The following R3HDM1 variants were observed in gnomAD, a reference collection of about 807,000 sequenced individuals.
R3HDM1 encodes the protein R3H domain containing 1, also known as R3H domain-containing protein 1.
In R3HDM1, 46 loss-of-function variants were observed where a neutral mutation model predicts 141.1. The observed-to-expected ratio is 0.33, with a 90% CI of 0.26 to 0.42. The LOEUF (loss-of-function observed/expected upper bound fraction) is 0.42, where lower values mean the gene tolerates loss of function less well. Among genes scored for constraint, R3HDM1 ranks in the 10% least tolerant of loss-of-function variants. The pLI, the probability that R3HDM1 is intolerant of heterozygous loss-of-function variation, is 1.00. For missense variants in R3HDM1, 1,184 were observed against 1,368.3 expected, an observed-to-expected ratio of 0.87 and a Z score of 2.12; for synonymous variants, 435 against 472.9, an observed-to-expected ratio of 0.92 and a Z score of 1.04.
At chr2:135,612,377 AAG>A (rs2060627350) in intron 3 of R3HDM1, among the ~76,000 whole-genome samples, 2 of 152,220 alleles carry the variant, frequency 1.3e-5, no homozygotes, top group African/African-American at 2.4e-5. Flanking sequence ...ATTAATTACA[AAG>A]AGAAAATTAT....
intron 20 of R3HDM1, among the ~76,000 whole-genome samples, chr2:135,678,700 AT>A (rs958159420): frequency 8.2e-4 from 124 of 150,828 alleles, no homozygotes; most frequent in African/African-American, 2.8e-3. Flanking sequence ...CCTCCCTATC[AT>A]TACTATTATT....
At chr2:135,600,064 G>C (rs1320353342) in intron 1 of R3HDM1, among the ~76,000 whole-genome samples, 1 of 145,108 alleles carries the variant, frequency 6.9e-6, no homozygotes, top group African/African-American at 2.5e-5. Flanking sequence ...AATTAAACTA[G>C]TGCATTAATA....
At chr2:135,557,180 C>G (rs1700937558) in intron 1 of R3HDM1, among the ~76,000 whole-genome samples, 1 of 152,106 alleles carries the variant, frequency 6.6e-6, no homozygotes, top group Admixed American at 6.6e-5. Context: ...GTTCTACTTA[C>G]TCTACGGTGG....
At chr2:135,563,415 T>A (rs184571445) in intron 1 of R3HDM1, among the ~76,000 whole-genome samples, 2 of 152,372 alleles carry the variant, frequency 1.3e-5, no homozygotes, top group East Asian at 3.9e-4. Context: ...AGGTCCAGAT[T>A]TGATCCACTG....
At position 135,715,655 on chromosome 2, in the gene R3HDM1, A is replaced by G. The variant is rs1281158573; in HGVS notation, c.2842A>G (p.Ile948Val). Residue 948 changes from isoleucine to valine, a missense_variant, in exon 24 of 27, where the codon ATC (isoleucine) becomes GTC (valine). Ile to Val is a conservative substitution (Grantham distance 29, BLOSUM62 3). This residue lies in a region of R3HDM1 where 182 missense variants were observed against 252.6 expected (regional missense o/e 0.72). Transcript: ENST00000683871. ...TVRPSGPPLSIMPQFSRPFVP... is the reference protein window; with the variant it reads ...TVRPSGPPLSVMPQFSRPFVP... ...ACGTCCCTCTGGACCACCACTTTCC[A>G]TCATGCCCCAATTTTCTAGACCTTT... The G allele has an allele frequency of 6.2e-7, 1 of 1,613,792 alleles. No individual in the cohort carries two copies. The highest frequency in any genetic ancestry group is 1.7e-5 in the Admixed American group (1 of 59,986).
chr2:135,580,619 C>T (rs1028903525), intron 1 of R3HDM1, among the ~76,000 whole-genome samples: 4 of 152,184 alleles, frequency 2.6e-5, no homozygotes, highest in African/African-American at 9.7e-5. Context: ...TAATTGTCTT[C>T]ATTATCTCCC....
In R3HDM1 at chr2:135,641,627, T is replaced by C. The variant is rs1220613794; in HGVS notation, c.1311T>C (p.Ser437=). Residue 437 remains serine, a synonymous_variant, in exon 15 of 27, where the codon TCT becomes TCC. Transcript: ENST00000683871. ...PLPGTALSQS[S]HGAPVVYPTV... Reference sequence around the variant, plus strand: ...CAGGTACAGCTCTCAGCCAGTCTTCTCATGGCGCACCTGTCGTCTATCCAA... The same window carrying C: ...CAGGTACAGCTCTCAGCCAGTCTTCCCATGGCGCACCTGTCGTCTATCCAA... The C allele has an allele frequency of 6.2e-7, 1 of 1,614,222 alleles. No individual in the cohort carries two copies. Among genetic ancestry groups the C allele is most frequent in the Admixed American group, 1.7e-5 (1 of 60,022 alleles).
chr2:135,679,066 C>CTT (rs141175748), intron 20 of R3HDM1, among the ~76,000 whole-genome samples: 2 of 70,576 alleles, frequency 2.8e-5, no homozygotes, highest in African/African-American at 1.1e-4. Flanking sequence ...GCCCGGCTTT[C>CTT]TTTTTTTTTT....
chr2:135,539,295 T>C (rs189177486), intron 1 of R3HDM1, among the ~76,000 whole-genome samples: 8 of 152,310 alleles, frequency 5.3e-5, no homozygotes, highest in East Asian at 3.9e-4. Flanking sequence ...GCTGTACATA[T>C]GTATGTGCTA....
At chr2:135,704,948 A>G (rs2074713932) in intron 21 of R3HDM1, among the ~76,000 whole-genome samples, 1 of 152,152 alleles carries the variant, frequency 6.6e-6, no homozygotes, top group Non-Finnish European at 1.5e-5. Flanking sequence ...TACTTTATTG[A>G]ACCATCTTGT....
At chr2:135,680,080 G>T (rs558815223) in intron 20 of R3HDM1, 93 bp from the exon 21 acceptor site, 2 of 1,319,170 alleles carry the variant, frequency 1.5e-6, no homozygotes, top group East Asian at 2.3e-5. Context: ...AATTCATCTC[G>T]AAAAAAATAA....
chr2:135,621,722 A>C (rs1559266752), intron 6 of R3HDM1, 114 bp downstream of exon 6: 1 of 1,335,550 alleles, frequency 7.5e-7, no homozygotes. Flanking sequence ...CACAGAACAG[A>C]CTGGAAGGAT....
intron 1 of R3HDM1, among the ~76,000 whole-genome samples, chr2:135,531,912 T>C (rs1451253180): frequency 6.6e-6 from 1 of 152,092 alleles, no homozygotes; most frequent in Non-Finnish European, 1.5e-5. Context: ...CACTGCCTTG[T>C]GCCCACCGCC....
chr2:135,596,716 C>G (rs1194365773), intron 1 of R3HDM1, among the ~76,000 whole-genome samples: 2 of 152,226 alleles, frequency 1.3e-5, no homozygotes, highest in African/African-American at 2.4e-5. Flanking sequence ...AGTTTTAGTT[C>G]ATTTCATTTT....
chr2:135,612,394 A>G (rs1051143974), intron 3 of R3HDM1, among the ~76,000 whole-genome samples: 8 of 152,108 alleles, frequency 5.3e-5, no homozygotes, highest in African/African-American at 1.9e-4. Flanking sequence ...AATTATTCCT[A>G]TTTTTTAAAT....
At chr2:135,688,601 G>A (rs2071778389) in intron 21 of R3HDM1, among the ~76,000 whole-genome samples, 1 of 152,084 alleles carries the variant, frequency 6.6e-6, no homozygotes, top group Admixed American at 6.5e-5. Context: ...CCAGGGTCAG[G>A]AAAATGGTAA....
chr2:135,678,711 T>C (rs1197326594), intron 20 of R3HDM1, among the ~76,000 whole-genome samples: 1 of 151,606 alleles, frequency 6.6e-6, no homozygotes, highest in African/African-American at 2.4e-5. Context: ...TTACTATTAT[T>C]AACGTCATCA....
rs142157424 is a variant in R3HDM1, at chr2:135,534,613, C to T, written c.-250+2980C>T. Among the ~76,000 whole-genome samples, 726 of 152,300 alleles carry T rather than the reference C, an allele frequency of 4.8e-3. 4 individuals are homozygous for T. The highest frequency in any genetic ancestry group is 0.024 in the Middle Eastern group (7 of 294). On this transcript the variant is annotated intron_variant, in intron 1 of 26. Coordinates refer to ENST00000683871, the MANE Select transcript of R3HDM1 (RefSeq NM_001378107.1). ...AGTCTTTCTGACAGGAATGTCCAGT[C>T]AGGGTTCAAGACAAGCTGCACCTTA...
At chr2:135,601,790 G>A (rs1474471788) in intron 1 of R3HDM1, among the ~76,000 whole-genome samples, 4 of 152,018 alleles carry the variant, frequency 2.6e-5, no homozygotes, top group Non-Finnish European at 5.9e-5. Flanking sequence ...AACCTCGCAA[G>A]TAACTAGGAC....
Sources: gnomAD v4.1 joint callset for allele counts (sites outside exome capture counted in the v4.1 genomes callset) on GRCh38, gnomAD v4.1.1 for gene constraint, gnomAD v4.1.1 regional missense constraint, MANE v1.5 for transcripts, NCBI Gene and HGNC (gene_info 2026-07-23, HGNC 2026-07-21) for gene names.